Variants in THEMIS observed in about 807,000 individuals in gnomAD.
THEMIS encodes protein THEMIS.
In THEMIS, 37 loss-of-function variants were observed where a neutral mutation model predicts 52.6. The observed-to-expected ratio is 0.70, with a 90% CI of 0.54 to 0.93. The LOEUF (loss-of-function observed/expected upper bound fraction) is 0.93. THEMIS is among the 40% of genes least tolerant of loss of function. The probability of loss-of-function intolerance (pLI) is 0.00; values close to 1 mark genes in which losing one functional copy is unlikely to be tolerated. For missense variants in THEMIS, 808 were observed against 763.1 expected (o/e 1.06, Z -0.69); for synonymous variants, 292 against 272.7 (o/e 1.07, Z -0.70).
chr6:127,900,717 T>G, intron 1 of THEMIS, 125 bp downstream of exon 1: 1 of 826,060 alleles, frequency 1.2e-6, no homozygotes, highest in Non-Finnish European at 2.0e-6. Flanking sequence ...CATTACTTTC[T>G]TTTGTGATCG....
At chr6:127,806,335 TACTC>T (rs922350743) in intron 4 of THEMIS, among the ~76,000 whole-genome samples, 3 of 152,170 alleles carry the variant, frequency 2.0e-5, no homozygotes, top group Non-Finnish European at 4.4e-5. Flanking sequence ...AAAAAAGTAA[TACTC>T]AGTAACACCG....
chr6:127,877,655 G>A (rs761171253), intron 1 of THEMIS, among the ~76,000 whole-genome samples: 22 of 152,082 alleles, frequency 1.4e-4, no homozygotes, highest in Non-Finnish European at 2.8e-4. Context: ...TGTTCGTGGT[G>A]CCCCAAAACA....
At chr6:127,699,861 A>T in the THEMIS span, among the ~76,000 whole-genome samples, 3 of 151,952 alleles carry the variant, frequency 2.0e-5, no homozygotes, top group African/African-American at 7.2e-5. Flanking sequence ...AAAATTTTAG[A>T]AGAAAATGCA....
At chr6:127,881,561 T>G (rs890531537) in intron 1 of THEMIS, among the ~76,000 whole-genome samples, 6 of 152,006 alleles carry the variant, frequency 3.9e-5, no homozygotes, top group Non-Finnish European at 7.4e-5. Context: ...CACTCTATTA[T>G]AAATGTAAAT....
chr6:127,765,114 T>A (rs888375991), intron 4 of THEMIS, among the ~76,000 whole-genome samples: 1 of 151,090 alleles, frequency 6.6e-6, no homozygotes, highest in African/African-American at 2.4e-5. Flanking sequence ...AATTCAGTAA[T>A]GCAGAATAAA....
At chr6:127,765,931 G>A (rs1776182810) in intron 4 of THEMIS, among the ~76,000 whole-genome samples, 1 of 151,998 alleles carries the variant, frequency 6.6e-6, no homozygotes, top group Non-Finnish European at 1.5e-5. Context: ...AATGCTAGTT[G>A]ATCAATACAA....
chr6:127,745,505 A>T lies in THEMIS; in HGVS notation c.1759-25682T>A, dbSNP rs77635747. On this transcript the variant is annotated intron_variant, in intron 4 of 5. Transcript: ENST00000368248. ...GGATATGGCATTACAATGTACCTGT[A>T]CTACGATATCAAACTACAAGTACTG... Among the ~76,000 whole-genome samples the T allele has an allele frequency of 3.9e-5, 6 of 152,006 alleles. No homozygotes were observed. In the East Asian group the frequency reaches 1.2e-3, roughly 29 times the overall value.
intron 1 of THEMIS, among the ~76,000 whole-genome samples, chr6:127,864,449 G>T (rs1562308780): frequency 6.6e-6 from 1 of 152,086 alleles, no homozygotes; most frequent in African/African-American, 2.4e-5. Flanking sequence ...TAGTTTGAAA[G>T]GGAATAAAAT....
At chr6:127,758,228 T>G (rs1421118986) in intron 4 of THEMIS, among the ~76,000 whole-genome samples, 1 of 150,798 alleles carries the variant, frequency 6.6e-6, no homozygotes, top group Non-Finnish European at 1.5e-5. Context: ...GTTTTATGGT[T>G]GATAGAGTTG....
At chr6:127,881,901 A>T (rs935161714) in intron 1 of THEMIS, among the ~76,000 whole-genome samples, 67 of 151,790 alleles carry the variant, frequency 4.4e-4, no homozygotes, top group African/African-American at 1.6e-3. Flanking sequence ...TAATGGCTAC[A>T]CTAAAAGGTT....
intron 4 of THEMIS, among the ~76,000 whole-genome samples, chr6:127,725,505 C>T (rs1042807260): frequency 2.6e-5 from 4 of 151,574 alleles, no homozygotes; most frequent in African/African-American, 9.7e-5. Context: ...AGTTGAATCA[C>T]CATAAATAAT....
At chr6:127,720,762 A>G (rs1774335179) in intron 4 of THEMIS, among the ~76,000 whole-genome samples, 1 of 152,022 alleles carries the variant, frequency 6.6e-6, no homozygotes, top group Non-Finnish European at 1.5e-5. Context: ...AGAAAGGCCA[A>G]TAAGGAAATT....
chr6:127,758,344 C>T (rs915625181), intron 4 of THEMIS, among the ~76,000 whole-genome samples: 2 of 149,120 alleles, frequency 1.3e-5, no homozygotes, highest in African/African-American at 4.9e-5. Flanking sequence ...AGAAACATGG[C>T]TTAACTGGAA....
chr6:127,781,640 C>T (rs550249947), intron 4 of THEMIS, among the ~76,000 whole-genome samples: 5 of 152,264 alleles, frequency 3.3e-5, no homozygotes, highest in South Asian at 2.1e-4. Context: ...TTCCTTCTAA[C>T]AGTCAGGCCC....
chr6:127,912,355 A>T (rs145645840), intron 1 of THEMIS, among the ~76,000 whole-genome samples: 1 of 152,192 alleles, frequency 6.6e-6, no homozygotes, highest in African/African-American at 2.4e-5. Context: ...GTTTCAGATG[A>T]GGCCGAAACT....
chr6:127,769,140 C>A (rs535880886), intron 4 of THEMIS, among the ~76,000 whole-genome samples: 1 of 152,184 alleles, frequency 6.6e-6, no homozygotes, highest in South Asian at 2.1e-4. Context: ...TTTTTGATTT[C>A]TTAAATCCAC....
downstream of THEMIS, among the ~76,000 whole-genome samples, chr6:127,707,216 G>A (rs138428922): frequency 4.5e-3 from 679 of 152,120 alleles, 4 homozygotes; most frequent in African/African-American, 0.015. Context: ...TGGGGATTAT[G>A]GGAACTACAA....
chr6:127,742,329 CAAACAAAA>C, intron 4 of THEMIS, among the ~76,000 whole-genome samples: 1 of 124,832 alleles, frequency 8.0e-6, no homozygotes, highest in South Asian at 2.5e-4. Context: ...AAAAAAAAAA[CAAACAAAA>C]AAACAAACAA....
At chr6:127,896,946 A>G (rs1780986575) in intron 1 of THEMIS, among the ~76,000 whole-genome samples, 1 of 151,486 alleles carries the variant, frequency 6.6e-6, no homozygotes, top group African/African-American at 2.4e-5. Context: ...TTAAGACAGG[A>G]AAAATTGATG....
Sources: gnomAD v4.1 joint callset for allele counts (sites outside exome capture counted in the v4.1 genomes callset) on GRCh38, gnomAD v4.1.1 for gene constraint, MANE v1.5 for transcripts, NCBI Gene and HGNC (gene_info 2026-07-23, HGNC 2026-07-21) for gene names.